The following KLRG1 variants were observed in gnomAD, a reference collection of about 807,000 sequenced individuals.
KLRG1 encodes killer cell lectin like receptor G1.
A neutral mutation model predicts 21.8 loss-of-function variants in KLRG1; 16 were observed. That is an observed-to-expected ratio of 0.73 (90% CI 0.50 to 1.11). The LOEUF is 1.11. KLRG1 is among the 50% of genes most tolerant of loss of function. The pLI is 0.00. For synonymous variants in KLRG1, 69 were observed against 75.9 expected (o/e 0.91, Z 0.47); for missense variants, 173 against 218.3 (o/e 0.79, Z 1.31).
chr12:9,075,552 T>G, the KLRG1 span, among the ~76,000 whole-genome samples: 2,555 of 152,326 alleles, frequency 0.017, 77 homozygotes, highest in African/African-American at 0.058. Flanking sequence ...TGCACATACT[T>G]GTATAGGGGT....
At chr12:9,001,477 C>T (rs79969893) in intron 3 of KLRG1, among the ~76,000 whole-genome samples, 2,748 of 152,224 alleles carry the variant, frequency 0.018, 75 homozygotes, top group African/African-American at 0.062. Flanking sequence ...TGAACATTTC[C>T]AGTCACTGAT....
the KLRG1 span, chr12:9,166,146 T>A: frequency 6.2e-7 from 1 of 1,614,008 alleles, no homozygotes; most frequent in Non-Finnish European, 8.5e-7. Context: ...TTTAAGGGTA[T>A]CACATTATAT....
the KLRG1 span, chr12:9,194,370 T>C: frequency 1.4e-6 from 1 of 706,104 alleles, no homozygotes; most frequent in Non-Finnish European, 2.3e-6. Flanking sequence ...CAAACCTTCA[T>C]ATTTACGACA....
At chr12:9,154,599 CTT>C in the KLRG1 span, 2 of 1,611,332 alleles carry the variant, frequency 1.2e-6, no homozygotes, top group South Asian at 1.1e-5. Context: ...GCAGAAGACT[CTT>C]TGGGAACCAC....
intron 2 of KLRG1, among the ~76,000 whole-genome samples, chr12:8,992,788 T>G (rs1457326899): frequency 1.3e-5 from 2 of 152,106 alleles, no homozygotes; most frequent in African/African-American, 4.8e-5. Context: ...TTTGCCCTTC[T>G]TGGCCTCCCA....
chr12:8,956,315 C>T lies in KLRG1; in HGVS notation c.-156+6079C>T, dbSNP rs1350096266. On this transcript the variant is annotated intron_variant, in intron 1 of 4. Transcript: ENST00000539240. ...GACTGAACAAGTTGGGACATGCCCC[C>T]GTTCGGCAAAGCTTGTGGACAGCAG... 2.6e-5 allele frequency among the ~76,000 whole-genome samples: 4 copies of T among 152,142 alleles called. No individual in the cohort carries two copies. The East Asian group carries it at 7.7e-4, about 29-fold the overall frequency.
chr12:9,035,320 C>G, the KLRG1 span, among the ~76,000 whole-genome samples: 7 of 152,104 alleles, frequency 4.6e-5, no homozygotes, highest in East Asian at 1.2e-3. Flanking sequence ...AGCTGGAAAC[C>G]ATCATTCTCA....
At chr12:9,051,745 G>A in the KLRG1 span, among the ~76,000 whole-genome samples, 1 of 152,140 alleles carries the variant, frequency 6.6e-6, no homozygotes, top group African/African-American at 2.4e-5. Flanking sequence ...GATTTCTCTA[G>A]CCTCACTTTT....
At chr12:9,036,457 G>T in the KLRG1 span, 1 of 166,976 alleles carries the variant, frequency 6.0e-6, no homozygotes, top group Non-Finnish European at 1.3e-5. Context: ...GTTTGGGGTT[G>T]GTAAAACTGG....
At chr12:8,986,753 A>G (rs1195342504), upstream of KLRG1, among the ~76,000 whole-genome samples, 5 of 152,100 alleles carry the variant, frequency 3.3e-5, no homozygotes, top group African/African-American at 1.2e-4. Flanking sequence ...CTGACGTTGA[A>G]TTGTAATCTC....
At chr12:9,185,486 T>C in the KLRG1 span, among the ~76,000 whole-genome samples, 3 of 152,184 alleles carry the variant, frequency 2.0e-5, no homozygotes, top group Non-Finnish European at 4.4e-5. Flanking sequence ...GAGATGAGCA[T>C]AATGAAAGCA....
chr12:9,024,512 A>G, the KLRG1 span, among the ~76,000 whole-genome samples: 1 of 152,188 alleles, frequency 6.6e-6, no homozygotes, highest in Non-Finnish European at 1.5e-5. Context: ...GTTTTACTAC[A>G]GATTTTAGAT....
the KLRG1 span, among the ~76,000 whole-genome samples, chr12:9,183,847 T>C: frequency 5.9e-5 from 9 of 152,228 alleles, no homozygotes; most frequent in Admixed American, 5.9e-4. Context: ...GTGTTTATAC[T>C]GCAAAGCTCT....
chr12:8,953,394 G>T lies in KLRG1; in HGVS notation c.-156+3158G>T, dbSNP rs774302974. Among the ~76,000 whole-genome samples, 8 of 152,336 alleles carry T rather than the reference G, an allele frequency of 5.3e-5. No homozygotes were observed. The East Asian group carries it at 1.5e-3, about 29-fold the overall frequency. ...AAGTGAAGACACCACTCAAAGGTGG[G>T]CACGACAGTGTAGAAAACCAATTAG... On this transcript the variant is annotated intron_variant, in intron 1 of 4. Transcript: ENST00000539240.
chr12:9,025,655 A>T, the KLRG1 span, among the ~76,000 whole-genome samples: 1 of 152,278 alleles, frequency 6.6e-6, no homozygotes, highest in East Asian at 1.9e-4. Flanking sequence ...CCCAAAAAAT[A>T]TGCATGTGAG....
At chr12:9,009,393 C>A (rs768895175) in intron 4 of KLRG1, 33 bp from the exon 5 acceptor site, 1 of 1,612,418 alleles carries the variant, frequency 6.2e-7, no homozygotes, top group Non-Finnish European at 8.5e-7. Context: ...GTGCATGCGG[C>A]CTTAAGTGAT....
chr12:9,068,701 G>T, the KLRG1 span: 1 of 1,464,964 alleles, frequency 6.8e-7, no homozygotes. Context: ...TCTGTGATCA[G>T]GAATTAAATA....
chr12:8,980,427 G>A (rs896347134), intron 1 of KLRG1, among the ~76,000 whole-genome samples: 5 of 152,072 alleles, frequency 3.3e-5, no homozygotes, highest in African/African-American at 1.2e-4. Flanking sequence ...GAAATCTATT[G>A]CGTTTTTTGG....
At chr12:9,131,752 A>G in the KLRG1 span, among the ~76,000 whole-genome samples, 1 of 151,554 alleles carries the variant, frequency 6.6e-6, no homozygotes, top group African/African-American at 2.4e-5. Context: ...TTATATAAAT[A>G]TCAATATAAT....
Sources: gnomAD v4.1 joint callset for allele counts (sites outside exome capture counted in the v4.1 genomes callset) on GRCh38, gnomAD v4.1.1 for gene constraint, MANE v1.5 for transcripts, NCBI Gene and HGNC (gene_info 2026-07-23, HGNC 2026-07-21) for gene names.